The following MSRB3 variants were observed in gnomAD, a reference collection of about 807,000 sequenced individuals.
MSRB3 encodes methionine sulfoxide reductase B3.
MSRB3 carries 13 observed loss-of-function variants against 21.0 expected under a neutral mutation model. That is an observed-to-expected ratio of 0.62 (90% CI 0.40 to 0.98). The LOEUF (loss-of-function observed/expected upper bound fraction) is 0.98, where lower values mean the gene tolerates loss of function less well. Among genes scored for constraint, MSRB3 ranks in the 50% least tolerant of loss-of-function variants. MSRB3 has a pLI of 0.00. For synonymous variants in MSRB3, 87 were observed against 88.6 expected (o/e 0.98, Z 0.10); for missense variants, 199 against 230.3 (o/e 0.86, Z 0.88).
chr12:65,389,471 A>G (rs941478206), intron 5 of MSRB3, among the ~76,000 whole-genome samples: 2 of 152,064 alleles, frequency 1.3e-5, no homozygotes, highest in Admixed American at 1.3e-4. Context: ...ATTAACTTTC[A>G]TCATTGCTGT....
chr12:65,298,458 C>T (rs544733823), intron 1 of MSRB3, among the ~76,000 whole-genome samples: 34 of 152,246 alleles, frequency 2.2e-4, no homozygotes, highest in African/African-American at 6.5e-4. Context: ...CTAAAATTCA[C>T]GAAGAAAAAC....
chr12:65,394,942 C>T (rs998904594), intron 5 of MSRB3, among the ~76,000 whole-genome samples: 9 of 152,048 alleles, frequency 5.9e-5, no homozygotes, highest in East Asian at 3.9e-4. Context: ...ATATGAAAAC[C>T]GACAGCTAAT....
chr12:65,345,850 G>A (rs1489523897), intron 4 of MSRB3, among the ~76,000 whole-genome samples: 1 of 152,020 alleles, frequency 6.6e-6, no homozygotes, highest in East Asian at 1.9e-4. Context: ...TTTTGTCCTT[G>A]TGATAGTTTG....
intron 1 of MSRB3, among the ~76,000 whole-genome samples, chr12:65,295,081 G>A (rs1403024972): frequency 2.6e-5 from 4 of 152,208 alleles, no homozygotes; most frequent in Admixed American, 6.5e-5. Flanking sequence ...TCCTCCTGCC[G>A]CAACTGCCAA....
chr12:65,417,014 C>T (rs888696156), intron 5 of MSRB3, among the ~76,000 whole-genome samples: 1 of 152,130 alleles, frequency 6.6e-6, no homozygotes, highest in Non-Finnish European at 1.5e-5. Flanking sequence ...CACAATGTAC[C>T]TCTTTCTTTA....
At chr12:65,384,086 C>A (rs1879088254) in intron 5 of MSRB3, among the ~76,000 whole-genome samples, 1 of 151,966 alleles carries the variant, frequency 6.6e-6, no homozygotes, top group African/African-American at 2.4e-5. Context: ...TAAATGTAAT[C>A]CCTATTTTGT....
At chr12:65,368,105 A>T (rs1992226) in intron 4 of MSRB3, among the ~76,000 whole-genome samples, 145,647 of 152,166 alleles carry the variant, frequency 0.96, 70,037 homozygotes, top group East Asian at 1. Flanking sequence ...AGTGCTTTGG[A>T]ACCCTGGCAT....
chr12:65,401,005 T>C (rs183488566), intron 5 of MSRB3, among the ~76,000 whole-genome samples: 1 of 152,322 alleles, frequency 6.6e-6, no homozygotes, highest in Admixed American at 6.5e-5. Flanking sequence ...TCTTTTGCAT[T>C]TGCTGAGGAG....
intron 4 of MSRB3, among the ~76,000 whole-genome samples, chr12:65,340,011 G>A (rs1876033831): frequency 6.6e-6 from 1 of 152,114 alleles, no homozygotes; most frequent in South Asian, 2.1e-4. Context: ...GCATACCAAA[G>A]TACAGGATCA....
At chr12:65,389,434 A>G (rs1879358272) in intron 5 of MSRB3, among the ~76,000 whole-genome samples, 1 of 152,014 alleles carries the variant, frequency 6.6e-6, no homozygotes, top group Non-Finnish European at 1.5e-5. Flanking sequence ...TTCCTTTCTC[A>G]TGTAAGAACT....
intron 1 of MSRB3, chr12:65,285,464 G>A (rs1358991256): frequency 3.9e-5 from 6 of 152,174 alleles, no homozygotes; most frequent in African/African-American, 1.2e-4. Flanking sequence ...TTATGAGAGG[G>A]CTTTATTTAC....
intron 4 of MSRB3, among the ~76,000 whole-genome samples, chr12:65,337,269 A>G (rs1214813626): frequency 7.2e-6 from 1 of 138,944 alleles, no homozygotes; most frequent in African/African-American, 3.3e-5. Flanking sequence ...AAAACAAAAC[A>G]AAAAAAAACC....
chr12:65,410,336 G>T (rs1308052786), intron 5 of MSRB3, among the ~76,000 whole-genome samples: 1 of 152,116 alleles, frequency 6.6e-6, no homozygotes, highest in Non-Finnish European at 1.5e-5. Context: ...TTAGGGAAAT[G>T]GTTAGGAGCA....
At chr12:65,378,590 G>A (rs990316080) in intron 5 of MSRB3, among the ~76,000 whole-genome samples, 2 of 152,134 alleles carry the variant, frequency 1.3e-5, no homozygotes, top group African/African-American at 4.8e-5. Flanking sequence ...TTGCGATGTG[G>A]CCATTAGTAG....
At chr12:65,348,580 A>G (rs2136488172) in intron 4 of MSRB3, among the ~76,000 whole-genome samples, 2 of 151,662 alleles carry the variant, frequency 1.3e-5, no homozygotes, top group Admixed American at 1.3e-4. Flanking sequence ...TTGTGTCTCT[A>G]TTTCCTTCAG....
intron 4 of MSRB3, among the ~76,000 whole-genome samples, chr12:65,362,619 A>G (rs1427914872): frequency 1.3e-5 from 2 of 152,116 alleles, no homozygotes; most frequent in Non-Finnish European, 2.9e-5. Flanking sequence ...TACAATTACA[A>G]CTCTGATGAG....
intron 3 of MSRB3, 37 bp from the exon 4 acceptor site, chr12:65,328,489 T>C (rs756937483): frequency 9.1e-6 from 13 of 1,421,118 alleles, no homozygotes; most frequent in Non-Finnish European, 1.3e-5. Flanking sequence ...GAAATAATGC[T>C]AACTTTAATT....
intron 5 of MSRB3, among the ~76,000 whole-genome samples, chr12:65,414,843 A>C (rs1880891813): frequency 1.3e-5 from 2 of 152,178 alleles, no homozygotes; most frequent in African/African-American, 4.8e-5. Flanking sequence ...AGGTAGAATA[A>C]GTTCAGGTGG....
At chr12:65,386,052 CT>C (rs1879182849) in intron 5 of MSRB3, among the ~76,000 whole-genome samples, 1 of 151,870 alleles carries the variant, frequency 6.6e-6, no homozygotes, top group Admixed American at 6.6e-5. Context: ...CCTCTACTTA[CT>C]TAAAAATCAT....
Sources: gnomAD v4.1 joint callset for allele counts (sites outside exome capture counted in the v4.1 genomes callset) on GRCh38, gnomAD v4.1.1 for gene constraint, MANE v1.5 for transcripts, NCBI Gene and HGNC (gene_info 2026-07-23, HGNC 2026-07-21) for gene names.